The following ARB2A variants were observed in gnomAD, a reference collection of about 807,000 sequenced individuals.
The protein encoded by ARB2A is cotranscriptional regulator ARB2A.
chr5:93,754,535 A>C, the ARB2A span, among the ~76,000 whole-genome samples: 2 of 152,208 alleles, frequency 1.3e-5, no homozygotes. Flanking sequence ...CCCCAGGTAG[A>C]ACCAATCTAG....
At chr5:93,970,999 C>A in the ARB2A span, among the ~76,000 whole-genome samples, 2 of 151,642 alleles carry the variant, frequency 1.3e-5, no homozygotes, top group African/African-American at 2.4e-5. Flanking sequence ...GATAAACTTT[C>A]GCTTTTTTTT....
chr5:94,056,581 C>A, the ARB2A span, among the ~76,000 whole-genome samples: 1 of 152,042 alleles, frequency 6.6e-6, no homozygotes. Flanking sequence ...AGATATGACA[C>A]GACTGTTTTT....
the ARB2A span, among the ~76,000 whole-genome samples, chr5:93,677,674 G>A: frequency 1.3e-5 from 2 of 152,166 alleles, no homozygotes; most frequent in African/African-American, 4.8e-5. Flanking sequence ...CTTGCAGCAT[G>A]GTTCTCTGCA....
chr5:94,018,028 A>T, the ARB2A span, among the ~76,000 whole-genome samples: 3 of 152,162 alleles, frequency 2.0e-5, no homozygotes, highest in Non-Finnish European at 4.4e-5. Flanking sequence ...GCCACCATGT[A>T]AAAAATGCCT....
the ARB2A span, among the ~76,000 whole-genome samples, chr5:94,066,000 T>C: frequency 4.0e-5 from 6 of 151,698 alleles, no homozygotes; most frequent in African/African-American, 1.5e-4. Flanking sequence ...CTCAACAAAT[T>C]TTACCAAAAA....
the ARB2A span, among the ~76,000 whole-genome samples, chr5:94,088,925 C>T: frequency 6.6e-6 from 1 of 152,144 alleles, no homozygotes; most frequent in East Asian, 1.9e-4. Flanking sequence ...AGGATGGGTT[C>T]ATTTAATTAT....
At chr5:93,845,774 C>T in the ARB2A span, among the ~76,000 whole-genome samples, 5 of 152,096 alleles carry the variant, frequency 3.3e-5, no homozygotes, top group African/African-American at 9.6e-5. Flanking sequence ...TTGGAGGGGG[C>T]GTAAGATTAA....
At chr5:94,036,078 C>G in the ARB2A span, among the ~76,000 whole-genome samples, 2 of 151,962 alleles carry the variant, frequency 1.3e-5, no homozygotes, top group South Asian at 4.2e-4. Context: ...TGTTTTTATC[C>G]CGAGGATATA....
the ARB2A span, among the ~76,000 whole-genome samples, chr5:94,004,753 A>G: frequency 6.6e-6 from 1 of 151,986 alleles, no homozygotes; most frequent in South Asian, 2.1e-4. Context: ...AGGTTCCTAC[A>G]AGCCTCTAGT....
At chr5:93,629,057 A>G in the ARB2A span, among the ~76,000 whole-genome samples, 1 of 152,204 alleles carries the variant, frequency 6.6e-6, no homozygotes, top group African/African-American at 2.4e-5. Context: ...CTTTAGATGG[A>G]AAGTGAGAGA....
the ARB2A span, among the ~76,000 whole-genome samples, chr5:93,807,416 T>A: frequency 1.3e-5 from 2 of 151,946 alleles, no homozygotes; most frequent in South Asian, 4.1e-4. Flanking sequence ...TTTCCATATT[T>A]GACAAATTTG....
the ARB2A span, among the ~76,000 whole-genome samples, chr5:94,020,438 C>A: frequency 3.9e-5 from 6 of 152,038 alleles, no homozygotes; most frequent in South Asian, 1.2e-3. Context: ...AATAAAAAAA[C>A]AATGGTGACA....
At chr5:93,971,700 C>T in the ARB2A span, among the ~76,000 whole-genome samples, 1 of 151,836 alleles carries the variant, frequency 6.6e-6, no homozygotes, top group South Asian at 2.1e-4. Flanking sequence ...TTTAAAATCC[C>T]CAAACCATTT....
chr5:93,701,238 T>C, the ARB2A span, among the ~76,000 whole-genome samples: 1 of 152,182 alleles, frequency 6.6e-6, no homozygotes, highest in Non-Finnish European at 1.5e-5. Flanking sequence ...GTTTATCTCT[T>C]TTAAAATGCT....
chr5:93,990,170 T>C, the ARB2A span, among the ~76,000 whole-genome samples: 10 of 152,034 alleles, frequency 6.6e-5, no homozygotes, highest in Non-Finnish European at 5.9e-5. Flanking sequence ...AAAGTACTCA[T>C]TAAAAATAGG....
chr5:93,764,379 C>T, the ARB2A span, among the ~76,000 whole-genome samples: 1 of 152,142 alleles, frequency 6.6e-6, no homozygotes, highest in Non-Finnish European at 1.5e-5. Flanking sequence ...CACCACCAAT[C>T]CCACAGAAAT....
At chr5:93,850,674 T>C in the ARB2A span, among the ~76,000 whole-genome samples, 49 of 152,164 alleles carry the variant, frequency 3.2e-4, no homozygotes, top group African/African-American at 1.1e-3. Context: ...ATGAACATGT[T>C]CTAGAAATTA....
chr5:94,009,801 G>A, the ARB2A span, among the ~76,000 whole-genome samples: 3 of 151,758 alleles, frequency 2.0e-5, no homozygotes, highest in Admixed American at 2.0e-4. Context: ...TTATATCCAA[G>A]TTGTTGAATT....
At chr5:93,703,924 T>C in the ARB2A span, among the ~76,000 whole-genome samples, 3 of 152,150 alleles carry the variant, frequency 2.0e-5, no homozygotes, top group Non-Finnish European at 4.4e-5. Flanking sequence ...GCAGCTCTGT[T>C]TGAACACTCA....
Sources: gnomAD v4.1 joint callset for allele counts (sites outside exome capture counted in the v4.1 genomes callset) on GRCh38, gnomAD v4.1.1 for gene constraint, MANE v1.5 for transcripts, NCBI Gene and HGNC (gene_info 2026-07-23, HGNC 2026-07-21) for gene names.